Variants in PPFIA2 observed in about 807,000 individuals in gnomAD.
The protein encoded by PPFIA2 is liprin-alpha-2.
PPFIA2 carries 46 observed loss-of-function variants against 175.5 expected under a neutral mutation model. The observed-to-expected ratio is 0.26, with a 90% CI of 0.21 to 0.34. The LOEUF is 0.34. Ranked by LOEUF, PPFIA2 falls within the 10% of genes least tolerant of loss-of-function variation. PPFIA2 has a pLI of 1.00. For synonymous variants in PPFIA2, 568 were observed against 511.4 expected (o/e 1.11, Z -1.49); for missense variants, 1,179 against 1,506.1 (o/e 0.78, Z 3.60).
chr12:81,422,263 G>A (rs2046411727), intron 7 of PPFIA2, among the ~76,000 whole-genome samples: 1 of 151,568 alleles, frequency 6.6e-6, no homozygotes, highest in Non-Finnish European at 1.5e-5. Context: ...GCAAAGACTA[G>A]TAGAATTGTG....
chr12:81,754,270 C>T (rs2153667328), intron 2 of PPFIA2, 47 bp from the exon 3 acceptor site: 4 of 1,532,268 alleles, frequency 2.6e-6, no homozygotes, highest in Non-Finnish European at 3.5e-6. Flanking sequence ...AAATGATTTC[C>T]AATAATTTCA....
intron 22 of PPFIA2, among the ~76,000 whole-genome samples, chr12:81,301,415 C>T (rs374248845): frequency 9.2e-5 from 14 of 152,050 alleles, no homozygotes; most frequent in African/African-American, 2.2e-4. Flanking sequence ...CTAAGGAGCA[C>T]GTAACATTTT....
intron 4 of PPFIA2, among the ~76,000 whole-genome samples, chr12:81,665,741 A>G (rs989550481): frequency 6.6e-6 from 1 of 152,038 alleles, no homozygotes; most frequent in African/African-American, 2.4e-5. Flanking sequence ...AAGCAATGGC[A>G]ACAAAAGCCA....
chr12:81,475,436 A>G (rs2057349375), intron 4 of PPFIA2, among the ~76,000 whole-genome samples: 1 of 152,200 alleles, frequency 6.6e-6, no homozygotes, highest in African/African-American at 2.4e-5. Context: ...AACATTTTAA[A>G]CTTATTTTAT....
intron 4 of PPFIA2, among the ~76,000 whole-genome samples, chr12:81,664,034 A>T (rs1019784250): frequency 1.1e-4 from 17 of 152,202 alleles, no homozygotes; most frequent in Non-Finnish European, 2.4e-4. Context: ...ATACAAAAAT[A>T]AATTCAACAT....
At chr12:81,513,699 T>C (rs2062066149) in intron 4 of PPFIA2, among the ~76,000 whole-genome samples, 2 of 152,050 alleles carry the variant, frequency 1.3e-5, no homozygotes, top group Non-Finnish European at 2.9e-5. Flanking sequence ...AATGATTTTA[T>C]GTAGTTTTAA....
intron 4 of PPFIA2, among the ~76,000 whole-genome samples, chr12:81,572,567 T>C (rs1338211243): frequency 6.6e-6 from 1 of 152,058 alleles, no homozygotes; most frequent in Non-Finnish European, 1.5e-5. Flanking sequence ...TAATAAACTT[T>C]AGAATAAATG....
chr12:81,677,211 A>T (rs1014054711), intron 3 of PPFIA2, among the ~76,000 whole-genome samples: 16 of 151,496 alleles, frequency 1.1e-4, no homozygotes, highest in African/African-American at 1.9e-4. Context: ...AAAATATTTA[A>T]TTTTTTTTTA....
chr12:81,733,431 C>A (rs2081179866), intron 3 of PPFIA2, among the ~76,000 whole-genome samples: 2 of 151,592 alleles, frequency 1.3e-5, no homozygotes, highest in Admixed American at 6.6e-5. Context: ...GTATTGTGCA[C>A]TTAAAATTTT....
In PPFIA2 at chr12:81,693,734, G is replaced by T. The variant is rs115745312; in HGVS notation, c.250-16890C>A. ...GAAGAATACAAAGAGATAAGGGAAA[G>T]TTTGGAACTTCTTAGAGACTGGTTA... is the stretch of plus-strand genomic sequence containing the variant. On this transcript the variant is annotated intron_variant, in intron 3 of 32. Coordinates refer to ENST00000549396, the MANE Select transcript of PPFIA2 (RefSeq NM_003625.5). Among the ~76,000 whole-genome samples the T allele has an allele frequency of 6.9e-3, 1,045 of 152,220 alleles. 19 individuals are homozygous for T. The highest frequency in any genetic ancestry group is 0.024 in the African/African-American group (991 of 41,546).
At chr12:81,754,366 G>A in intron 2 of PPFIA2, 143 bp from the exon 3 acceptor site, 1 of 1,035,282 alleles carries the variant, frequency 9.7e-7, no homozygotes, top group Non-Finnish European at 1.4e-6. Context: ...ATCCAGCCAA[G>A]CAAAATGTTT....
chr12:81,304,242 C>A (rs578144854), intron 22 of PPFIA2, among the ~76,000 whole-genome samples: 1 of 152,182 alleles, frequency 6.6e-6, no homozygotes, highest in South Asian at 2.1e-4. Context: ...AAGTTGTGAC[C>A]CCTGACTCCA....
chr12:81,483,317 ACT>A (rs1337905156), intron 4 of PPFIA2, among the ~76,000 whole-genome samples: 1 of 152,196 alleles, frequency 6.6e-6, no homozygotes, highest in African/African-American at 2.4e-5. Flanking sequence ...ATATCTATTA[ACT>A]AATGAATGGA....
chr12:81,630,847 G>A (rs2153496911), intron 4 of PPFIA2, among the ~76,000 whole-genome samples: 1 of 150,196 alleles, frequency 6.7e-6, no homozygotes, highest in South Asian at 2.1e-4. Context: ...TCCAGGCCCT[G>A]TAACATTTTT....
At chr12:81,701,355 A>G (rs2076454418) in intron 3 of PPFIA2, among the ~76,000 whole-genome samples, 1 of 152,150 alleles carries the variant, frequency 6.6e-6, no homozygotes, top group African/African-American at 2.4e-5. Context: ...AAACTGATTC[A>G]TGCATTTAGA....
chr12:81,676,902 C>A, intron 3 of PPFIA2, 58 bp from the exon 4 acceptor site: 7 of 1,195,634 alleles, frequency 5.9e-6, no homozygotes, highest in Non-Finnish European at 2.3e-6. Context: ...AAGAATCCCC[C>A]AGTCCCACAG....
chr12:81,287,186 T>C (rs992724819), intron 24 of PPFIA2, among the ~76,000 whole-genome samples: 2 of 151,970 alleles, frequency 1.3e-5, no homozygotes, highest in African/African-American at 4.8e-5. Flanking sequence ...CTTAAATGGC[T>C]TAAGCTTGCA....
At chr12:81,561,620 T>C (rs2070106074) in intron 4 of PPFIA2, among the ~76,000 whole-genome samples, 1 of 152,168 alleles carries the variant, frequency 6.6e-6, no homozygotes, top group East Asian at 1.9e-4. Context: ...GATAAATAAA[T>C]TTTATATTCT....
chr12:81,474,146 T>C (rs957805552), intron 4 of PPFIA2, among the ~76,000 whole-genome samples: 1 of 152,130 alleles, frequency 6.6e-6, no homozygotes, highest in Admixed American at 6.6e-5. Flanking sequence ...TCTTTATTTT[T>C]AAATTTTAAT....
Sources: allele counts gnomAD v4.1 joint callset (sites outside exome capture counted in the v4.1 genomes callset), GRCh38; gene constraint gnomAD v4.1.1; transcripts MANE v1.5; gene names NCBI Gene and HGNC (gene_info 2026-07-23, HGNC 2026-07-21).